The following COPS5 variants were observed in gnomAD, a reference collection of about 807,000 sequenced individuals.
COPS5 encodes the protein COP9 signalosome subunit 5, also known as COP9 signalosome complex subunit 5.
In COPS5, 8 loss-of-function variants were observed where a neutral mutation model predicts 44.4. That is an observed-to-expected ratio of 0.18 (90% CI 0.11 to 0.32). The LOEUF is 0.32. COPS5 is among the 10% of genes least tolerant of loss of function. COPS5 has a pLI of 1.00. For synonymous variants in COPS5, 122 were observed against 142.8 expected, an observed-to-expected ratio of 0.85 and a Z score of 1.04; for missense variants, 159 against 406.4, an observed-to-expected ratio of 0.39 and a Z score of 5.23.
intron 5 of COPS5, among the ~76,000 whole-genome samples, chr8:67,055,756 C>T (rs1269337637): frequency 6.6e-6 from 1 of 150,820 alleles, no homozygotes; most frequent in African/African-American, 2.4e-5. Context: ...ATCCCAGCTA[C>T]TTGGGAGGCT....
At chr8:67,052,768 C>T (rs1300250763) in intron 5 of COPS5, among the ~76,000 whole-genome samples, 1 of 147,196 alleles carries the variant, frequency 6.8e-6, no homozygotes, top group Non-Finnish European at 1.5e-5. Flanking sequence ...TGAAGTGAGC[C>T]GAGATCGCGC....
chr8:67,049,859 T>C (rs1804372530), intron 6 of COPS5, among the ~76,000 whole-genome samples: 1 of 152,200 alleles, frequency 6.6e-6, no homozygotes, highest in Admixed American at 6.6e-5. Flanking sequence ...CTATATATAC[T>C]GCAGTATATG....
At chr8:67,046,809 G>C (rs1271851161) in intron 6 of COPS5, among the ~76,000 whole-genome samples, 1 of 83,170 alleles carries the variant, frequency 1.2e-5, no homozygotes, top group African/African-American at 4.9e-5. Flanking sequence ...GGCAACAAGA[G>C]CAAAACTCTG....
chr8:67,056,957 T>C (rs555845821), intron 4 of COPS5, among the ~76,000 whole-genome samples: 50 of 152,042 alleles, frequency 3.3e-4, no homozygotes, highest in African/African-American at 1.2e-3. Flanking sequence ...AATAGACCTA[T>C]AGATTTAGCT....
At chr8:67,061,662 G>A in intron 1 of COPS5, 192 bp downstream of exon 1, 1 of 605,066 alleles carries the variant, frequency 1.7e-6, no homozygotes. Flanking sequence ...GGGGGCAAAT[G>A]GATTAAAGCG....
chr8:67,046,970 GAGC>G (rs1183149235), intron 6 of COPS5, among the ~76,000 whole-genome samples: 1 of 151,040 alleles, frequency 6.6e-6, no homozygotes, highest in Non-Finnish European at 1.5e-5. Flanking sequence ...TGCAACTAAA[GAGC>G]ATTGCTATAT....
Position 67,062,050 on chromosome 8 carries a change from C to G in COPS5, c.-54G>C. ...CTACAACCAAGACGCAACTTTACCTCGCTAGGTTTCCGGGTGTGGGCCTTG... is the reference window on the plus strand; with the variant it reads ...CTACAACCAAGACGCAACTTTACCTGGCTAGGTTTCCGGGTGTGGGCCTTG... On this transcript the variant is annotated 5_prime_UTR_variant, in exon 1 of 8. Transcript: ENST00000357849. 1.9e-6 allele frequency: 3 copies of G among 1,612,680 alleles called. No individual in the cohort carries two copies. Among genetic ancestry groups the G allele is most frequent in the Non-Finnish European group, 2.5e-6 (3 of 1,179,702 alleles).
rs944292306 is a variant in COPS5 at position 67,053,862 on chromosome 8, C to T, written c.660-2521G>A. Among the ~76,000 whole-genome samples, 7 of 148,192 alleles carry T rather than the reference C, an allele frequency of 4.7e-5. No homozygotes were observed. The South Asian group carries it at 1.5e-3, about 31-fold the overall frequency. ...TCTACTAAAAATACAAAAAATTAGT[C>T]GAGCATGATGGTGGGCGCCTGTAGT... On this transcript the variant is annotated intron_variant, in intron 5 of 7. Coordinates refer to ENST00000357849, the MANE Select transcript of COPS5 (RefSeq NM_006837.3).
intron 6 of COPS5, chr8:67,047,850 A>G (rs1329984945): frequency 1.4e-6 from 1 of 702,580 alleles, no homozygotes; most frequent in Non-Finnish European, 2.6e-6. Flanking sequence ...TGCTATTAAT[A>G]TACTTGCCTC....
intron 3 of COPS5, 57 bp from the exon 4 acceptor site, chr8:67,057,502 A>T: frequency 8.4e-7 from 1 of 1,191,996 alleles, no homozygotes; most frequent in Non-Finnish European, 1.2e-6. Context: ...CTTTTATTTA[A>T]ACATTATAAA....
intron 5 of COPS5, among the ~76,000 whole-genome samples, chr8:67,053,873 G>C (rs1361859914): frequency 6.6e-6 from 1 of 150,844 alleles, no homozygotes; most frequent in Non-Finnish European, 1.5e-5. Flanking sequence ...GAGCATGATG[G>C]TGGGCGCCTG....
intron 6 of COPS5, among the ~76,000 whole-genome samples, chr8:67,049,938 A>G (rs1022746591): frequency 4.6e-5 from 7 of 152,204 alleles, no homozygotes; most frequent in African/African-American, 1.7e-4. Context: ...AGTTTGTTAA[A>G]TAATATCCTA....
intron 7 of COPS5, chr8:67,043,755 G>T (rs1585705865): frequency 6.6e-6 from 1 of 152,284 alleles, no homozygotes; most frequent in Non-Finnish European, 1.5e-5. Flanking sequence ...GTTAGCGGGT[G>T]AAGGCCTTAG....
intron 4 of COPS5, 32 bp from the exon 5 acceptor site, chr8:67,056,636 GAAAA>G (rs375914469): frequency 0.037 from 525 of 14,146 alleles, 13 homozygotes; most frequent in East Asian, 0.056. Context: ...AGAAGATTAA[GAAAA>G]AAAAAAAAAA....
intron 1 of COPS5, chr8:67,060,422 C>T (rs1401464407): frequency 2.3e-6 from 3 of 1,286,380 alleles, no homozygotes; most frequent in East Asian, 5.6e-5. Flanking sequence ...TTTTAGATGT[C>T]TGCCCACAGA....
chr8:67,055,871 T>C (rs1052877475), intron 5 of COPS5, among the ~76,000 whole-genome samples: 1 of 95,628 alleles, frequency 1.0e-5, no homozygotes, highest in Admixed American at 1.1e-4. Context: ...GTCTTGGGGG[T>C]GGGGGGAGGG....
intron 1 of COPS5, chr8:67,060,280 A>G: frequency 9.5e-7 from 1 of 1,054,598 alleles, no homozygotes; most frequent in Non-Finnish European, 1.2e-6. Context: ...TTAGACAGTG[A>G]GGCAGGCCAA....
At chr8:67,046,093 A>C in intron 6 of COPS5, 133 bp from the exon 7 acceptor site, 1 of 880,370 alleles carries the variant, frequency 1.1e-6, no homozygotes, top group Non-Finnish European at 1.7e-6. Context: ...ATCTGAGTGA[A>C]TAGTCAGTGA....
intron 6 of COPS5, among the ~76,000 whole-genome samples, chr8:67,050,138 A>G (rs1429171047): frequency 6.6e-6 from 1 of 151,686 alleles, no homozygotes; most frequent in Non-Finnish European, 1.5e-5. Flanking sequence ...CGCAGCTGGG[A>G]CTACAGGCGC....
Sources: gnomAD v4.1 joint callset for allele counts (sites outside exome capture counted in the v4.1 genomes callset) on GRCh38, gnomAD v4.1.1 for gene constraint, MANE v1.5 for transcripts, NCBI Gene and HGNC (gene_info 2026-07-23, HGNC 2026-07-21) for gene names.